Variants in IQSEC1 observed in about 807,000 individuals in gnomAD.
The protein encoded by IQSEC1 is IQ motif and SEC7 domain-containing protein 1.
A neutral mutation model predicts 91.0 loss-of-function variants in IQSEC1; 31 were observed. The ratio of observed to expected loss-of-function variants is 0.34; its 90% CI spans 0.26 to 0.46. The LOEUF (loss-of-function observed/expected upper bound fraction) is 0.46, where lower values mean the gene tolerates loss of function less well. IQSEC1 is among the 20% of genes least tolerant of loss of function. IQSEC1 has a pLI of 1.00. For synonymous variants in IQSEC1, 699 were observed against 662.6 expected, an observed-to-expected ratio of 1.05 and a Z score of -0.84; for missense variants, 1,388 against 1,575.6, an observed-to-expected ratio of 0.88 and a Z score of 2.02.
intron 3 of IQSEC1, among the ~76,000 whole-genome samples, chr3:12,926,242 G>A (rs115726566): frequency 0.015 from 2,241 of 151,940 alleles, 60 homozygotes; most frequent in African/African-American, 0.051. Flanking sequence ...CTCGGGAGGC[G>A]CAGGTTACGG....
intron 1 of IQSEC1, among the ~76,000 whole-genome samples, chr3:13,172,451 T>C (rs1463776437): frequency 1.3e-5 from 2 of 152,080 alleles, no homozygotes; most frequent in Admixed American, 1.3e-4. Context: ...ATCCAGACAA[T>C]AGTGAGCCAC....
chr3:12,973,165 T>C (rs1468015950), intron 1 of IQSEC1, among the ~76,000 whole-genome samples: 2 of 152,156 alleles, frequency 1.3e-5, no homozygotes, highest in African/African-American at 2.4e-5. Context: ...TACGTGACAC[T>C]GAACTGCTCA....
rs1453000724 is a variant in IQSEC1, at chr3:12,936,499, C to G, written c.517G>C (p.Val173Leu). The G allele has an allele frequency of 1.2e-6, 2 of 1,613,358 alleles. No homozygotes were observed. Among genetic ancestry groups the G allele is most frequent in the African/African-American group, 2.7e-5 (2 of 74,932 alleles). The change falls in exon 3 of 14, where the codon GTG becomes CTG. Residue 173 changes from valine (V) to leucine (L), a missense_variant. By Grantham distance (32) the Val-to-Leu change is conservative. This residue lies in a region of IQSEC1 where 1,059 missense variants were observed against 1,317.8 expected (regional missense o/e 0.80). Transcript: ENST00000613206. ...MQFSFEGPEK[V>L]HSSYFEGKQV... Reference sequence around the variant, plus strand: ...TTCCCCTCGAAGTAGGAGCTGTGCACTTTCTCAGGCCCCTCAAAGGAGAAC... The same window carrying G: ...TTCCCCTCGAAGTAGGAGCTGTGCAGTTTCTCAGGCCCCTCAAAGGAGAAC...
rs71848559 is a variant in IQSEC1, at chr3:13,145,804, C to CGGG, written c.302+18297_302+18299dup. 2.0e-3 allele frequency among the ~76,000 whole-genome samples: 104 copies of CGGG among 53,050 alleles called. 1 individual carries two copies. Among genetic ancestry groups the CGGG allele is most frequent in the East Asian group, 0.011 (18 of 1,702 alleles). The allele number at this position is 53,050 out of a possible 152,430, so 34.8% of individuals were successfully genotyped here. ...GGGAGTGAACCTGGGCGCCCGGGGG[C>CGGG]GGGGGGGGGGGGTCCTGATCATTGG... is the stretch of plus-strand genomic sequence containing the variant. On this transcript the variant is annotated intron_variant, in intron 2 of 15. Coordinates refer to the IQSEC1 transcript ENST00000648114.
At position 12,919,948 on chromosome 3, in the gene IQSEC1, G is replaced by A. The variant is rs139772444; in HGVS notation, c.2020+482C>T. Among the ~76,000 whole-genome samples, 194 of 152,344 alleles carry A rather than the reference G, an allele frequency of 1.3e-3. 1 individual carries two copies. The highest frequency in any genetic ancestry group is 4.5e-3 in the African/African-American group (189 of 41,574). ...GGCAGGGAGCCGGGTCTGCACTCCA[G>A]TGCCAGCAGCCGGAAGCCGCACTGG... On this transcript the variant is annotated intron_variant, in intron 6 of 13. Transcript: ENST00000613206.
intron 1 of IQSEC1, among the ~76,000 whole-genome samples, chr3:13,031,177 T>A (rs1251984658): frequency 6.6e-6 from 1 of 152,196 alleles, no homozygotes; most frequent in African/African-American, 2.4e-5. Context: ...GGGACAGAAG[T>A]GAACTCACTC....
intron 1 of IQSEC1, among the ~76,000 whole-genome samples, chr3:13,281,470 G>C (rs1695788635): frequency 6.9e-6 from 1 of 145,604 alleles, no homozygotes; most frequent in Non-Finnish European, 1.5e-5. Flanking sequence ...AGCCATGTAT[G>C]TGTTCACCCA....
In IQSEC1 at chr3:13,171,110, A is replaced by AAC. The variant is rs1553571278; in HGVS notation, c.273-6978_273-6977insGT. The stretch of plus-strand genomic sequence containing the variant: ...CAAGACTCCATCTCAAAAAAAACAA[A>AAC]AAAAACAAAAAAAGAAAGCCTTGTG... On this transcript the variant is annotated intron_variant, in intron 1 of 15. Transcript: ENST00000648114. 3.0e-3 allele frequency among the ~76,000 whole-genome samples: 458 copies of AAC among 150,756 alleles called. 1 individual carries two copies. The highest frequency in any genetic ancestry group is 0.011 in the African/African-American group (438 of 40,388).
intron 2 of IQSEC1, among the ~76,000 whole-genome samples, chr3:13,147,472 CA>C (rs1706917289): frequency 6.6e-6 from 1 of 152,184 alleles, no homozygotes; most frequent in Admixed American, 6.5e-5. Flanking sequence ...CAGCTTCATC[CA>C]AGTTGCTGCA....
At chr3:13,084,404 G>T (rs1377804992) in intron 2 of IQSEC1, among the ~76,000 whole-genome samples, 4 of 152,190 alleles carry the variant, frequency 2.6e-5, no homozygotes, top group African/African-American at 7.2e-5. Flanking sequence ...CCAGGGGGTA[G>T]CCTGTTCATT....
At chr3:13,022,021 G>A (rs1480112453) in intron 1 of IQSEC1, 10 of 1,230,040 alleles carry the variant, frequency 8.1e-6, no homozygotes, top group East Asian at 3.2e-5. Context: ...AGCCATGCAC[G>A]CGTCCCGGTA....
At chr3:13,189,797 A>G (rs1693991446) in intron 1 of IQSEC1, among the ~76,000 whole-genome samples, 2 of 152,076 alleles carry the variant, frequency 1.3e-5, no homozygotes, top group Admixed American at 6.5e-5. Flanking sequence ...TCTCAGCTCA[A>G]AGGCCACCAC....
At chr3:13,267,468 C>T (rs748352612) in intron 1 of IQSEC1, among the ~76,000 whole-genome samples, 5 of 152,148 alleles carry the variant, frequency 3.3e-5, no homozygotes, top group Admixed American at 1.3e-4. Flanking sequence ...ATAAAAGCCG[C>T]GTTTTCCATC....
chr3:12,956,108 G>A (rs946784626), intron 1 of IQSEC1, among the ~76,000 whole-genome samples: 1 of 152,290 alleles, frequency 6.6e-6, no homozygotes, highest in Middle Eastern at 3.4e-3. Flanking sequence ...AAAGCGAGGT[G>A]GCAGCCGCAT....
intron 1 of IQSEC1, among the ~76,000 whole-genome samples, chr3:13,030,110 CT>C (rs1285950450): frequency 2.6e-5 from 4 of 152,064 alleles, no homozygotes; most frequent in Non-Finnish European, 5.9e-5. Context: ...TGTCTAAAAT[CT>C]TTTTTTTATA....
chr3:13,008,617 G>A lies in IQSEC1; in HGVS notation c.23+64375C>T, dbSNP rs1702738391. Among the ~76,000 whole-genome samples the A allele has an allele frequency of 6.6e-6, 1 of 152,208 alleles. No individual in the cohort carries two copies. Among genetic ancestry groups the A allele is most frequent in the South Asian group, 2.1e-4 (1 of 4,828 alleles). ...ACTGTGATGTTGGAAATGCTCGTTT[G>A]TGTGTTTGTTTACTTGTCACCTCTC... is the stretch of plus-strand genomic sequence containing the variant. On this transcript the variant is annotated intron_variant, in intron 1 of 13. Transcript: ENST00000613206. This position sits in a 1 kb window ranked among gnomAD's most constrained non-coding sequence, Gnocchi z 4.1.
At chr3:12,996,003 G>T (rs1702212728) in intron 1 of IQSEC1, among the ~76,000 whole-genome samples, 1 of 152,154 alleles carries the variant, frequency 6.6e-6, no homozygotes, top group African/African-American at 2.4e-5. Context: ...AACACAGCGA[G>T]ACTCCATCTC....
chr3:13,171,720 C>A (rs948146982), intron 1 of IQSEC1, among the ~76,000 whole-genome samples: 24 of 152,184 alleles, frequency 1.6e-4, no homozygotes, highest in African/African-American at 5.3e-4. Flanking sequence ...TGCTTAAATG[C>A]CTCTTTCAAG....
chr3:13,217,384 A>G (rs1279346087), intron 1 of IQSEC1, among the ~76,000 whole-genome samples: 1 of 152,130 alleles, frequency 6.6e-6, no homozygotes, highest in East Asian at 1.9e-4. Flanking sequence ...TCCACTTGGC[A>G]TTGTGTTTTT....
Sources: allele counts gnomAD v4.1 joint callset (sites outside exome capture counted in the v4.1 genomes callset), GRCh38; gene constraint gnomAD v4.1.1; regional missense constraint gnomAD v4.1.1; non-coding constraint Gnocchi (gnomAD v3.1); transcripts MANE v1.5; gene names NCBI Gene and HGNC (gene_info 2026-07-23, HGNC 2026-07-21).